PDE6A: variants seen among roughly 807,000 people sequenced by gnomAD.
PDE6A encodes rod cGMP-specific 3',5'-cyclic phosphodiesterase subunit alpha.
In PDE6A, 84 loss-of-function variants were observed where a neutral mutation model predicts 106.3. The observed-to-expected ratio is 0.79, with a 90% CI of 0.66 to 0.95. The LOEUF (loss-of-function observed/expected upper bound fraction) is 0.95. Ranked by LOEUF, PDE6A falls within the 40% of genes least tolerant of loss-of-function variation. PDE6A has a pLI of 0.00. For missense variants in PDE6A, 1,052 were observed against 1,084.9 expected, an observed-to-expected ratio of 0.97 and a Z score of 0.43; for synonymous variants, 394 against 386.6, an observed-to-expected ratio of 1.02 and a Z score of -0.23.
At chr5:149,916,359 G>A (rs1455640493) in intron 5 of PDE6A, among the ~76,000 whole-genome samples, 1 of 152,158 alleles carries the variant, frequency 6.6e-6, no homozygotes, top group African/African-American at 2.4e-5. Context: ...GTGGTCAGGA[G>A]GTTCCCATCC....
At chr5:149,907,533 A>G (rs542398294) in intron 6 of PDE6A, among the ~76,000 whole-genome samples, 155 bp from the exon 7 acceptor site, 1 of 152,350 alleles carries the variant, frequency 6.6e-6, no homozygotes, top group South Asian at 2.1e-4. Context: ...TTGGCCAACC[A>G]TCTTAATGTT....
At chr5:149,887,777 C>T (rs542221866) in intron 13 of PDE6A, among the ~76,000 whole-genome samples, 519 of 152,150 alleles carry the variant, frequency 3.4e-3, no homozygotes, top group Non-Finnish European at 5.7e-3. Flanking sequence ...AAAGCAAAAC[C>T]GCCTCATCAT....
intron 8 of PDE6A, among the ~76,000 whole-genome samples, chr5:149,902,778 C>T (rs1378025619): frequency 2.0e-5 from 3 of 150,882 alleles, no homozygotes; most frequent in Non-Finnish European, 4.4e-5. Context: ...GCCGAGATCA[C>T]GCCACTGCAC....
In PDE6A at chr5:149,888,447, CTTTA is replaced by C. The variant is rs1300110952; in HGVS notation, c.1729-2077_1729-2074del. Among the ~76,000 whole-genome samples, 5 of 148,128 alleles carry C rather than the reference CTTTA, an allele frequency of 3.4e-5. No individual in the cohort carries two copies. The East Asian group carries it at 9.8e-4, about 29-fold the overall frequency. On this transcript the variant is annotated intron_variant, in intron 13 of 21. Transcript: ENST00000255266. The stretch of plus-strand genomic sequence containing the variant: ...TATTAACATATATTAATATATATTT[CTTTA>C]TTTAGAATTCTTAACACATAATTAA...
chr5:149,898,410 C>T lies in PDE6A; in HGVS notation c.1360G>A (p.Val454Ile). ...ENRKDIFQDI[V>I]KYHVKCDNEE... ...TTGTCACACTTCACATGATATTTTA[C>T]TATGTCCTGGAAAATATCCTTCCTA... is the stretch of plus-strand genomic sequence containing the variant. Residue 454 changes from valine to isoleucine, a missense_variant, in exon 10 of 22, where the codon GTA becomes ATA. Around this residue, in one of 3 missense-constraint regions of PDE6A, gnomAD observed 913 missense variants for 915.2 expected, o/e 1.00. Coordinates refer to ENST00000255266, the MANE Select transcript of PDE6A (RefSeq NM_000440.3). The T allele has an allele frequency of 8.1e-6, 13 of 1,613,478 alleles. No homozygotes were observed. Among genetic ancestry groups the T allele is most frequent in the Non-Finnish European group, 1.0e-5 (12 of 1,179,444 alleles).
intron 7 of PDE6A, among the ~76,000 whole-genome samples, chr5:149,904,814 T>C (rs1460669075): frequency 6.6e-6 from 1 of 152,132 alleles, no homozygotes; most frequent in Non-Finnish European, 1.5e-5. Flanking sequence ...CCCTCTTTCC[T>C]CTCCATCTGT....
chr5:149,931,035 T>A lies in PDE6A; in HGVS notation c.851A>T (p.Lys284Met). 1 of 1,614,150 alleles carries A rather than the reference T, an allele frequency of 6.2e-7. No individual in the cohort carries two copies. Among genetic ancestry groups the A allele is most frequent in the Non-Finnish European group, 8.5e-7 (1 of 1,180,008 alleles). ...TTGCTGAAGTTTTCTCACCTTCTGCTTGGTCATGTCTAAGAGACCCACAGA... is the reference window on the plus strand; with the variant it reads ...TTGCTGAAGTTTTCTCACCTTCTGCATGGTCATGTCTAAGAGACCCACAGA... ...RYSVGLLDMT[K>M]QKEFFDVWPV... Residue 284 changes from lysine to methionine, a missense_variant, in exon 4 of 22, where the codon AAG (lysine) becomes ATG (methionine). This residue lies in a region of PDE6A where 913 missense variants were observed against 915.2 expected (regional missense o/e 1.00). Coordinates refer to ENST00000255266, the MANE Select transcript of PDE6A (RefSeq NM_000440.3).
At position 149,895,135 on chromosome 5, in the gene PDE6A, C is replaced by G. The variant is rs568604569; in HGVS notation, c.1728+48G>C. ...CCATGTAGAGTCTGCATGAGATTGT[C>G]TAGTGTGATGCAAGCCCACCCTACC... On this transcript the variant is annotated intron_variant, in intron 13 of 21. Coordinates refer to ENST00000255266, the MANE Select transcript of PDE6A (RefSeq NM_000440.3). The G allele has an allele frequency of 6.7e-6, 7 of 1,037,778 alleles. No individual in the cohort carries two copies. The Admixed American group carries it at 6.7e-5, about 10-fold the overall frequency. The allele number at this position is 1,037,778 out of a possible 1,614,324, so 64.3% of individuals were successfully genotyped here. A position where few individuals can be genotyped will look rare whatever the true frequency, so the allele number is the denominator to read the frequency against.
At chr5:149,900,571 G>A (rs1270364168) in intron 8 of PDE6A, among the ~76,000 whole-genome samples, 2 of 151,586 alleles carry the variant, frequency 1.3e-5, no homozygotes, top group African/African-American at 2.4e-5. Context: ...GGGAGCCAGA[G>A]GAGAAAAGGA....
Position 149,933,943 on chromosome 5 carries a change from G to A in PDE6A, c.704C>T (p.Thr235Ile). 1.2e-6 allele frequency: 2 copies of A among 1,613,372 alleles called. No homozygotes were observed. Among genetic ancestry groups the A allele is most frequent in the Non-Finnish European group, 1.7e-6 (2 of 1,179,380 alleles). Residue 235 changes from threonine to isoleucine, a missense_variant, in exon 3 of 22, where the codon ACT becomes ATT. Thr to Ile is a moderately conservative substitution (Grantham distance 89). This residue lies in a region of PDE6A where 913 missense variants were observed against 915.2 expected (regional missense o/e 1.00). Coordinates refer to ENST00000255266, the MANE Select transcript of PDE6A (RefSeq NM_000440.3). ...YHLSYLHNCETRRGQILLWSG... is the reference protein window; with the variant it reads ...YHLSYLHNCEIRRGQILLWSG... ...CAAGCCCCTTACCTGGCCACGTCGAGTTTCACAGTTGTGCAGGTAACTCAG... is the reference window on the plus strand; with the variant it reads ...CAAGCCCCTTACCTGGCCACGTCGAATTTCACAGTTGTGCAGGTAACTCAG...
At chr5:149,932,477 A>T in intron 3 of PDE6A, 1 of 1,403,648 alleles carries the variant, frequency 7.1e-7, no homozygotes, top group Non-Finnish European at 1.0e-6. Flanking sequence ...AAACATCCTC[A>T]TTATTTCCTG....
In PDE6A at chr5:149,873,554, A is replaced by G. The variant is rs572812833; in HGVS notation, c.2136-5396T>C. Among the ~76,000 whole-genome samples, 244 of 151,434 alleles carry G rather than the reference A, an allele frequency of 1.6e-3. 1 individual carries two copies. The highest frequency in any genetic ancestry group is 5.7e-3 in the African/African-American group (234 of 41,242). On this transcript the variant is annotated intron_variant, in intron 17 of 21. Transcript: ENST00000255266. ...ATCACGTTGACCAGGTTGGTCTCAA[A>G]CTCCTGGCCTCAAGTGATCCGCCCG...
At chr5:149,912,044 T>C (rs1753404676) in intron 6 of PDE6A, among the ~76,000 whole-genome samples, 1 of 152,076 alleles carries the variant, frequency 6.6e-6, no homozygotes, top group Admixed American at 6.6e-5. Context: ...ATATTTGAAT[T>C]CGAATTTCAC....
rs749086041 is a variant in PDE6A at position 149,880,478 on chromosome 5, G to A, written c.2135+2951C>T. ...GTAATCCCAGCACTTTTAGGAGGCC[G>A]AGGTGGGCGGATCACGAGGTCAGGA... On this transcript the variant is annotated intron_variant, in intron 17 of 21. Transcript: ENST00000255266. Among the ~76,000 whole-genome samples the A allele has an allele frequency of 1.3e-4, 20 of 152,084 alleles. 1 individual carries two copies. The South Asian group carries it at 1.5e-3, about 11-fold the overall frequency.
intron 13 of PDE6A, 72 bp downstream of exon 13, chr5:149,895,111 C>T: frequency 1.1e-6 from 1 of 876,106 alleles, no homozygotes; most frequent in Non-Finnish European, 2.0e-6. Flanking sequence ...CTGTTGCTAC[C>T]ATGTAGAGTC....
At chr5:149,886,242 T>G (rs2113558031) in intron 14 of PDE6A, 23 bp downstream of exon 14, 1 of 1,501,454 alleles carries the variant, frequency 6.7e-7, no homozygotes, top group Non-Finnish European at 9.3e-7. Flanking sequence ...GAGGGTTGGG[T>G]GTGGGGAGGG....
chr5:149,922,841 G>A (rs1439418173), intron 4 of PDE6A, among the ~76,000 whole-genome samples: 1 of 152,190 alleles, frequency 6.6e-6, no homozygotes, highest in Non-Finnish European at 1.5e-5. Flanking sequence ...AAATACACAG[G>A]TGCCTTAGCC....
intron 17 of PDE6A, among the ~76,000 whole-genome samples, chr5:149,882,075 TAAATAAATA>T (rs920516361): frequency 2.0e-5 from 3 of 150,812 alleles, no homozygotes; most frequent in Admixed American, 6.6e-5. Flanking sequence ...AATAAATAAA[TAAATAAATA>T]AATAAATAAA....
At chr5:149,884,269 T>A in intron 16 of PDE6A, among the ~76,000 whole-genome samples, 1 of 131,132 alleles carries the variant, frequency 7.6e-6, no homozygotes, top group Non-Finnish European at 1.7e-5. Flanking sequence ...TGTATATATA[T>A]GTATATATGT....
Sources: allele counts gnomAD v4.1 joint callset (sites outside exome capture counted in the v4.1 genomes callset), GRCh38; gene constraint gnomAD v4.1.1; regional missense constraint gnomAD v4.1.1; transcripts MANE v1.5; gene names NCBI Gene and HGNC (gene_info 2026-07-23, HGNC 2026-07-21).